Variants in SPTBN4 observed in about 807,000 individuals in gnomAD.
SPTBN4 encodes the protein spectrin beta, non-erythrocytic 4.
A neutral mutation model predicts 277.8 loss-of-function variants in SPTBN4; 96 were observed. The observed-to-expected ratio is 0.35, with a 90% CI of 0.29 to 0.41. The LOEUF (loss-of-function observed/expected upper bound fraction) is 0.41. Ranked by LOEUF, SPTBN4 falls within the 10% of genes least tolerant of loss-of-function variation. The pLI is 1.00. For missense variants in SPTBN4, 3,006 were observed against 3,595.7 expected (o/e 0.84, Z 4.19); for synonymous variants, 1,481 against 1,580.3 (o/e 0.94, Z 1.49).
intron 11 of SPTBN4, 73 bp downstream of exon 11, chr19:40,503,006 G>A (rs1599738652): frequency 6.5e-7 from 1 of 1,540,146 alleles, no homozygotes; most frequent in East Asian, 2.3e-5. Context: ...ACCAGAGAGG[G>A]AGACTTGATC....
intron 3 of SPTBN4, among the ~76,000 whole-genome samples, chr19:40,488,289 G>A (rs548682278): frequency 4.0e-4 from 61 of 152,124 alleles, no homozygotes; most frequent in Non-Finnish European, 6.9e-4. Flanking sequence ...TAGGCTAGGG[G>A]GCAGTGTTCG....
Position 40,567,864 on chromosome 19 carries a change from C to G in SPTBN4, c.6538C>G (p.Arg2180Gly), listed in dbSNP as rs1345326397. The G allele has an allele frequency of 6.6e-7, 1 of 1,525,540 alleles. No individual in the cohort carries two copies. The highest frequency in any genetic ancestry group is 1.4e-5 in the African/African-American group (1 of 69,472). 94.5% of individuals were successfully genotyped at this position (1,525,540 alleles called of 1,614,324 possible). ...GGTGCGGACTCGGGTGGGGTATGTG[C>G]GCCAGGAGCTCAAGCCCGAGCGCCT... ...AEVRTRVGYV[R>G]QELKPERLQP... is the part of the protein sequence containing the mutation. Residue 2180 changes from arginine (R) to glycine (G), a missense_variant, in exon 31 of 36, where the codon CGC becomes GGC. Around this residue, in one of 5 missense-constraint regions of SPTBN4, gnomAD observed 630 missense variants for 677.6 expected, o/e 0.93. Transcript: ENST00000598249.
chr19:40,511,378 A>C (rs2080389450), intron 13 of SPTBN4, among the ~76,000 whole-genome samples: 1 of 152,224 alleles, frequency 6.6e-6, no homozygotes. Context: ...ATTGCACTCC[A>C]GCCCAGGCGA....
Position 40,502,499 on chromosome 19 carries a change from A to G in SPTBN4, c.1195A>G (p.Ile399Val). 6.2e-7 allele frequency: 1 copy of G among 1,612,302 alleles called. No individual in the cohort carries two copies. Among genetic ancestry groups the G allele is most frequent in the Non-Finnish European group, 8.5e-7 (1 of 1,179,460 alleles). Residue 399 changes from isoleucine to valine, a missense_variant, in exon 10 of 36, where the codon ATT (isoleucine) becomes GTT (valine). Physicochemically the swap from Ile to Val is conservative, Grantham distance 29. Around this residue, in one of 5 missense-constraint regions of SPTBN4, gnomAD observed 1,759 missense variants for 2,061.5 expected, o/e 0.85. Transcript: ENST00000598249. This position sits in a 1 kb window ranked among gnomAD's most constrained non-coding sequence, Gnocchi z 4.9. Reference sequence around the variant, plus strand: ...TCGGGAGGGCTGTGGCATCTGGGATATTGACAAGGTGAGGCCGGGGATGCA... The same window carrying G: ...TCGGGAGGGCTGTGGCATCTGGGATGTTGACAAGGTGAGGCCGGGGATGCA... ...VPREGCGIWD[I>V]DKAWGELEKA...
chr19:40,494,849 T>C, intron 5 of SPTBN4, 48 bp from the exon 6 acceptor site: 1 of 1,568,988 alleles, frequency 6.4e-7, no homozygotes, highest in Non-Finnish European at 8.8e-7. Context: ...CTTTCTTCCC[T>C]CCTAACTCTC....
At chr19:40,487,327 AC>A (rs2080083501) in intron 2 of SPTBN4, among the ~76,000 whole-genome samples, 1 of 146,718 alleles carries the variant, frequency 6.8e-6, no homozygotes, top group African/African-American at 2.6e-5. Context: ...GGCATGAGCC[AC>A]CGCGCCCAGC....
At position 40,567,707 on chromosome 19, in the gene SPTBN4, A is replaced by G. The variant is rs1320976667; in HGVS notation, c.6381A>G (p.Pro2127=). 4 of 1,547,548 alleles carry G rather than the reference A, an allele frequency of 2.6e-6. No individual in the cohort carries two copies. The highest frequency in any genetic ancestry group is 3.5e-6 in the Non-Finnish European group (4 of 1,148,582). The change falls in exon 31 of 36, where the codon CCA becomes CCG. Residue 2127 remains proline, a synonymous_variant. Transcript: ENST00000598249. ...AACAGAGCAAGCAGCCGCCTACCCC[A>G]CTGCTGGGGCGCAAGTTCTTTGGGG... The part of the protein sequence containing the change: ...KAEQSKQPPT[P]LLGRKFFGDP...
intron 18 of SPTBN4, chr19:40,530,422 C>A: frequency 3.6e-6 from 3 of 835,102 alleles, no homozygotes; most frequent in Non-Finnish European, 4.3e-6. Flanking sequence ...GGGAGGCAGG[C>A]AGGGGGCGCA....
Position 40,566,365 on chromosome 19 carries a change from C to T in SPTBN4, c.6336+6C>T. The T allele has an allele frequency of 3.3e-6, 5 of 1,528,460 alleles. No individual in the cohort carries two copies. Among genetic ancestry groups the T allele is most frequent in the Non-Finnish European group, 4.4e-6 (5 of 1,136,248 alleles). 94.7% of individuals were successfully genotyped at this position (1,528,460 alleles called of 1,614,324 possible). ...CTCTGCGGCGCCTGACCACGGTCAG[C>T]TCCCCAGATACTGCCCCATTACCCC... On this transcript the variant is annotated splice_donor_region_variant and intron_variant, in intron 30 of 35. Transcript: ENST00000598249.
chr19:40,486,536 A>AT (rs1186751534), intron 2 of SPTBN4, among the ~76,000 whole-genome samples: 2 of 151,770 alleles, frequency 1.3e-5, no homozygotes, highest in South Asian at 2.1e-4. Context: ...TGCCTGGCTA[A>AT]TTTTTTGTAT....
chr19:40,509,394 C>T (rs898968785), intron 13 of SPTBN4, among the ~76,000 whole-genome samples: 11 of 151,956 alleles, frequency 7.2e-5, no homozygotes, highest in Non-Finnish European at 1.5e-4. Flanking sequence ...TATAGGCATG[C>T]GCCACCATGT....
intron 7 of SPTBN4, among the ~76,000 whole-genome samples, chr19:40,498,930 G>C (rs1158231969): frequency 6.6e-6 from 1 of 151,878 alleles, no homozygotes; most frequent in Non-Finnish European, 1.5e-5. Flanking sequence ...TCAAACTCCT[G>C]ACCTCAGGTG....
At chr19:40,535,776 C>CGGGTT (rs2080728172) in intron 20 of SPTBN4, among the ~76,000 whole-genome samples, 1 of 151,850 alleles carries the variant, frequency 6.6e-6, no homozygotes, top group East Asian at 1.9e-4. Context: ...ACTAAAAACA[C>CGGGTT]ACACAAAAAA....
chr19:40,497,029 C>T (rs984372815), intron 6 of SPTBN4, among the ~76,000 whole-genome samples: 3 of 146,530 alleles, frequency 2.0e-5, no homozygotes, highest in Non-Finnish European at 3.0e-5. Context: ...GCTGGGATCG[C>T]GCCCCTGCAC....
chr19:40,554,728 A>G lies in SPTBN4; in HGVS notation c.5084+82A>G, dbSNP rs1372605588. 3 of 1,546,674 alleles carry G rather than the reference A, an allele frequency of 1.9e-6. No homozygotes were observed. In the African/African-American group the frequency reaches 4.1e-5, roughly 21 times the overall value. On this transcript the variant is annotated intron_variant, in intron 24 of 35. Transcript: ENST00000598249. This position sits in a 1 kb window ranked among gnomAD's most constrained non-coding sequence, Gnocchi z 5.7. ...TGTTGGGAGTTGGCGCAGCGCTGGA[A>G]TTGGACGTTGGGTGGGAGAGGTCCT...
chr19:40,540,473 C>G (rs1448823283), intron 20 of SPTBN4, among the ~76,000 whole-genome samples: 1 of 151,938 alleles, frequency 6.6e-6, no homozygotes, highest in Non-Finnish European at 1.5e-5. Flanking sequence ...AACTCCTGGG[C>G]TCAAACAGTC....
At chr19:40,520,230 G>C (rs2080511652) in intron 16 of SPTBN4, 79 bp downstream of exon 16, 4 of 1,267,642 alleles carry the variant, frequency 3.2e-6, no homozygotes, top group Non-Finnish European at 4.0e-6. Context: ...ACATGCGGGG[G>C]TGGGGAGGAG....
At chr19:40,516,714 C>T (rs1270541441) in intron 15 of SPTBN4, among the ~76,000 whole-genome samples, 1 of 152,170 alleles carries the variant, frequency 6.6e-6, no homozygotes, top group African/African-American at 2.4e-5. Flanking sequence ...GTCCTAGCTA[C>T]TCAGGAGGCT....
At chr19:40,526,474 A>AGG (rs2080593800) in intron 17 of SPTBN4, among the ~76,000 whole-genome samples, 6 of 150,742 alleles carry the variant, frequency 4.0e-5, no homozygotes, top group Middle Eastern at 7.0e-3. Flanking sequence ...GCCGGCCGCT[A>AGG]GGTGCTGTTC....
Sources: gnomAD v4.1 joint callset for allele counts (sites outside exome capture counted in the v4.1 genomes callset) on GRCh38, gnomAD v4.1.1 for gene constraint, gnomAD v4.1.1 regional missense constraint, Gnocchi (gnomAD v3.1) non-coding constraint, MANE v1.5 for transcripts, NCBI Gene and HGNC (gene_info 2026-07-23, HGNC 2026-07-21) for gene names.